Variants in ALOX5AP observed in about 807,000 individuals in gnomAD.
ALOX5AP encodes arachidonate 5-lipoxygenase-activating protein.
Under a neutral mutation model 18.5 loss-of-function variants are expected in ALOX5AP, and 9 were observed. The observed-to-expected ratio is 0.49, with a 90% CI of 0.29 to 0.85. The LOEUF (loss-of-function observed/expected upper bound fraction) is 0.85, where lower values mean the gene tolerates loss of function less well. Among genes scored for constraint, ALOX5AP ranks in the 40% least tolerant of loss-of-function variants. The pLI is 0.08. For synonymous variants in ALOX5AP, 81 were observed against 78.6 expected, an observed-to-expected ratio of 1.03 and a Z score of -0.16; for missense variants, 172 against 202.5, an observed-to-expected ratio of 0.85 and a Z score of 0.91.
chr13:30,713,970 G>A (rs1227719137), intron 1 of ALOX5AP: 2 of 1,011,414 alleles, frequency 2.0e-6, no homozygotes, highest in South Asian at 1.6e-5. Context: ...GCAGTATTGG[G>A]CAGCTAGAGT....
intron 1 of ALOX5AP, among the ~76,000 whole-genome samples, chr13:30,741,833 T>TG (rs1951768452): frequency 6.7e-6 from 1 of 148,160 alleles, no homozygotes; most frequent in Admixed American, 6.7e-5. Flanking sequence ...GGTTTTCTGT[T>TG]TTTTTTTTTT....
upstream of ALOX5AP, among the ~76,000 whole-genome samples, chr13:30,734,822 G>A (rs1339743959): frequency 6.6e-6 from 1 of 152,150 alleles, no homozygotes; most frequent in Non-Finnish European, 1.5e-5. Context: ...CTGAAGAAAT[G>A]GAGATATCAG....
At position 30,715,192 on chromosome 13, in the gene ALOX5AP, T is replaced by G. The variant is rs1288867383; in HGVS notation, c.116+1351T>G. 2.0e-5 allele frequency among the ~76,000 whole-genome samples: 3 copies of G among 152,188 alleles called. No homozygotes were observed. The East Asian group carries it at 5.8e-4, about 29-fold the overall frequency. On this transcript the variant is annotated intron_variant, in intron 1 of 5. Coordinates refer to the ALOX5AP transcript ENST00000617770. ...ACCGGGCTTTAACTTGTCACATGAC[T>G]ATGGCCAAGTTCCTGGGGCTCTCCA...
chr13:30,762,450 G>C (rs1366063446), intron 4 of ALOX5AP, among the ~76,000 whole-genome samples: 2 of 152,070 alleles, frequency 1.3e-5, no homozygotes, highest in Admixed American at 6.6e-5. Flanking sequence ...TTAGCCAGGT[G>C]TGGTGGCAGG....
At chr13:30,717,277 T>C (rs1197311855) in intron 1 of ALOX5AP, among the ~76,000 whole-genome samples, 1 of 152,232 alleles carries the variant, frequency 6.6e-6, no homozygotes, top group Non-Finnish European at 1.5e-5. Flanking sequence ...AACTCCCAAA[T>C]TGAGTTTTTC....
At chr13:30,729,340 T>A (rs1951662796) in intron 1 of ALOX5AP, among the ~76,000 whole-genome samples, 1 of 152,214 alleles carries the variant, frequency 6.6e-6, no homozygotes, top group Non-Finnish European at 1.5e-5. Flanking sequence ...AAGGTTCATT[T>A]TCTTTTCCAT....
intron 1 of ALOX5AP, among the ~76,000 whole-genome samples, chr13:30,723,238 G>A (rs1951607960): frequency 6.6e-6 from 1 of 152,200 alleles, no homozygotes; most frequent in Non-Finnish European, 1.5e-5. Flanking sequence ...GATACAAGAA[G>A]CAGAAAATAC....
upstream of ALOX5AP, among the ~76,000 whole-genome samples, chr13:30,730,752 G>A (rs780061690): frequency 6.0e-5 from 9 of 150,046 alleles, no homozygotes; most frequent in Non-Finnish European, 1.2e-4. Flanking sequence ...ATGTTGATGC[G>A]AAGTGTCTGC....
At chr13:30,747,905 A>G (rs1294563373) in intron 2 of ALOX5AP, among the ~76,000 whole-genome samples, 1 of 151,468 alleles carries the variant, frequency 6.6e-6, no homozygotes, top group Non-Finnish European at 1.5e-5. Context: ...TTCTAGACTC[A>G]CTTTCTTTCT....
intron 3 of ALOX5AP, among the ~76,000 whole-genome samples, chr13:30,753,145 G>A (rs1048969991): frequency 1.3e-5 from 2 of 152,198 alleles, no homozygotes; most frequent in African/African-American, 4.8e-5. Flanking sequence ...AGTGAATGAA[G>A]ACAATGACAA....
chr13:30,742,024 C>A (rs1951770687), intron 1 of ALOX5AP, among the ~76,000 whole-genome samples: 1 of 152,056 alleles, frequency 6.6e-6, no homozygotes, highest in African/African-American at 2.4e-5. Context: ...GTGTATTAAA[C>A]CCTGTGGAGC....
intron 1 of ALOX5AP, among the ~76,000 whole-genome samples, chr13:30,740,802 A>G (rs111701704): frequency 1.3e-5 from 2 of 152,224 alleles, no homozygotes; most frequent in East Asian, 1.9e-4. Context: ...AATGAAATAC[A>G]GACTTGAAGT....
At chr13:30,734,255 C>T (rs559226216), upstream of ALOX5AP, among the ~76,000 whole-genome samples, 1 of 152,172 alleles carries the variant, frequency 6.6e-6, no homozygotes, top group East Asian at 1.9e-4. Context: ...TCCCCGCACA[C>T]AACTCTGCAC....
At chr13:30,713,851 T>C (rs1187622142) in intron 1 of ALOX5AP, 8 of 1,535,084 alleles carry the variant, frequency 5.2e-6, no homozygotes, top group Non-Finnish European at 5.2e-6. Flanking sequence ...GGTGTGTGTG[T>C]GTGTGCGCGC....
At chr13:30,730,803 G>A (rs1007491635), upstream of ALOX5AP, among the ~76,000 whole-genome samples, 1 of 150,702 alleles carries the variant, frequency 6.6e-6, no homozygotes, top group Non-Finnish European at 1.5e-5. Context: ...GCAGAGCCTC[G>A]GCGTCCCTGA....
At chr13:30,756,638 G>A (rs4075251) in intron 4 of ALOX5AP, among the ~76,000 whole-genome samples, 6,475 of 151,822 alleles carry the variant, frequency 0.043, 208 homozygotes, top group East Asian at 0.11. Context: ...GTGAAACCCC[G>A]TCTCTACTAA....
chr13:30,721,322 C>T (rs975392161), intron 1 of ALOX5AP, among the ~76,000 whole-genome samples: 32 of 152,312 alleles, frequency 2.1e-4, no homozygotes, highest in African/African-American at 7.2e-4. Context: ...GCAAGGAGAA[C>T]TTCAGCAACG....
chr13:30,746,231 TAAGAG>T (rs1298835196), intron 2 of ALOX5AP, among the ~76,000 whole-genome samples: 1 of 152,110 alleles, frequency 6.6e-6, no homozygotes, highest in African/African-American at 2.4e-5. Context: ...TTAAAAAGCG[TAAGAG>T]GAGAGTGGAA....
chr13:30,759,090 A>G (rs1951919899), intron 4 of ALOX5AP, among the ~76,000 whole-genome samples: 1 of 152,150 alleles, frequency 6.6e-6, no homozygotes, highest in East Asian at 1.9e-4. Context: ...AAGTACTGGG[A>G]GTATAGGCAT....
Sources: allele counts gnomAD v4.1 joint callset (sites outside exome capture counted in the v4.1 genomes callset), GRCh38; gene constraint gnomAD v4.1.1; transcripts MANE v1.5; gene names NCBI Gene and HGNC (gene_info 2026-07-23, HGNC 2026-07-21).